FUT9: variants seen among roughly 807,000 people sequenced by gnomAD.
The protein encoded by FUT9 is 4-galactosyl-N-acetylglucosaminide 3-alpha-L-fucosyltransferase 9.
Under a neutral mutation model 29.7 loss-of-function variants are expected in FUT9, and 15 were observed. The ratio of observed to expected loss-of-function variants is 0.51; its 90% CI spans 0.34 to 0.78. FUT9 has a LOEUF of 0.78. FUT9 is among the 30% of genes least tolerant of loss of function. The pLI is 0.01. For synonymous variants in FUT9, 169 were observed against 153.7 expected (o/e 1.10, Z -0.74); for missense variants, 319 against 425.4 (o/e 0.75, Z 2.20).
chr6:96,081,472 TC>T (rs1428664701), intron 1 of FUT9, among the ~76,000 whole-genome samples: 1 of 151,888 alleles, frequency 6.6e-6, no homozygotes, highest in Non-Finnish European at 1.5e-5. Context: ...TATTTGTAGT[TC>T]ATTTGTTTTT....
In FUT9 at chr6:96,208,762, A is replaced by G. The variant is rs950007822; in HGVS notation, c.*4527A>G. 1 of 166,850 alleles carries G rather than the reference A, an allele frequency of 6.0e-6. No individual in the cohort carries two copies. Among genetic ancestry groups the G allele is most frequent in the African/African-American group, 2.4e-5 (1 of 41,446 alleles). 10.3% of individuals were successfully genotyped at this position (166,850 alleles called of 1,614,324 possible). A position where few individuals can be genotyped will look rare whatever the true frequency, so the allele number is the denominator to read the frequency against. On this transcript the variant is annotated 3_prime_UTR_variant, in exon 3 of 3. Transcript: ENST00000302103. ...TAACATATCAACTGTTTCTAAAAGG[A>G]AAGAAAATTAGTATTTAAGGAGAGT...
At chr6:96,043,172 C>T (rs1440160701) in intron 1 of FUT9, among the ~76,000 whole-genome samples, 1 of 152,170 alleles carries the variant, frequency 6.6e-6, no homozygotes, top group Non-Finnish European at 1.5e-5. Flanking sequence ...CTGCCTCAGC[C>T]TCCCGAGTAG....
chr6:96,039,649 C>T (rs1232914561), intron 1 of FUT9, among the ~76,000 whole-genome samples: 4 of 152,088 alleles, frequency 2.6e-5, no homozygotes, highest in Non-Finnish European at 5.9e-5. Flanking sequence ...CATAAGTAGC[C>T]AAACCCGTAC....
chr6:96,129,213 C>T (rs1451433718), intron 2 of FUT9, among the ~76,000 whole-genome samples: 3 of 145,474 alleles, frequency 2.1e-5, no homozygotes, highest in African/African-American at 7.7e-5. Context: ...TGCAGTGAGC[C>T]GAGATCACGC....
intron 2 of FUT9, among the ~76,000 whole-genome samples, chr6:96,150,142 A>G (rs1772649055): frequency 6.6e-6 from 1 of 152,146 alleles, no homozygotes; most frequent in South Asian, 2.1e-4. Context: ...ATAGAATACA[A>G]AAAGAGAAAA....
In FUT9 at chr6:96,214,412, C is replaced by T. The variant is rs1773997621; in HGVS notation, c.*10177C>T. Reference sequence around the variant, plus strand: ...ACATCTAGGCAGTCTTGACAGTCAACCAGTGTAATCACTAGGGGAAGAAAA... The same window carrying T: ...ACATCTAGGCAGTCTTGACAGTCAATCAGTGTAATCACTAGGGGAAGAAAA... On this transcript the variant is annotated 3_prime_UTR_variant, in exon 3 of 3. Coordinates refer to ENST00000302103, the MANE Select transcript of FUT9 (RefSeq NM_006581.4). 6.0e-6 allele frequency: 1 copy of T among 166,898 alleles called. No individual in the cohort carries two copies. Among genetic ancestry groups the T allele is most frequent in the Admixed American group, 6.6e-5 (1 of 15,246 alleles). 10.3% of individuals were successfully genotyped at this position (166,898 alleles called of 1,614,324 possible).
intron 1 of FUT9, among the ~76,000 whole-genome samples, chr6:96,036,404 G>A (rs1415815092): frequency 1.3e-5 from 2 of 151,672 alleles, no homozygotes; most frequent in African/African-American, 4.8e-5. Context: ...CTGATACATT[G>A]AGTCTGTTCA....
chr6:96,039,924 G>C (rs1770428133), intron 1 of FUT9, among the ~76,000 whole-genome samples: 1 of 148,510 alleles, frequency 6.7e-6, no homozygotes, highest in Non-Finnish European at 1.5e-5. Context: ...AGAAGCCCAT[G>C]TCTCTTGGAC....
Position 96,089,437 on chromosome 6 carries a change from T to G in FUT9, c.-97-24602T>G, listed in dbSNP as rs530801512. 1.3e-3 allele frequency among the ~76,000 whole-genome samples: 200 copies of G among 152,302 alleles called. 1 individual carries two copies. Among genetic ancestry groups the G allele is most frequent in the Non-Finnish European group, 2.5e-3 (169 of 68,020 alleles). ...AGGAATCTGGGGAAGTTATAGGGCTTGTTTGCATCTCCTTTCTCAAAGAAC... is the reference window on the plus strand; with the variant it reads ...AGGAATCTGGGGAAGTTATAGGGCTGGTTTGCATCTCCTTTCTCAAAGAAC... On this transcript the variant is annotated intron_variant, in intron 1 of 2. Transcript: ENST00000302103.
chr6:96,164,765 T>A (rs1164664348), intron 2 of FUT9, among the ~76,000 whole-genome samples: 1 of 152,210 alleles, frequency 6.6e-6, no homozygotes, highest in East Asian at 1.9e-4. Flanking sequence ...AATGTCCTTG[T>A]CCAAGAGGAG....
chr6:96,110,945 G>A (rs1771794866), intron 1 of FUT9, among the ~76,000 whole-genome samples: 2 of 151,978 alleles, frequency 1.3e-5, no homozygotes, highest in African/African-American at 4.8e-5. Context: ...TTACAGGCAT[G>A]AGCGACTGTG....
At chr6:96,176,470 T>C (rs969649043) in intron 2 of FUT9, among the ~76,000 whole-genome samples, 4 of 152,114 alleles carry the variant, frequency 2.6e-5, no homozygotes, top group Admixed American at 6.6e-5. Flanking sequence ...AAAGCAGTCA[T>C]AGACAATGTA....
At chr6:96,138,879 TA>T (rs2127972273) in intron 2 of FUT9, among the ~76,000 whole-genome samples, 1 of 152,242 alleles carries the variant, frequency 6.6e-6, no homozygotes, top group East Asian at 1.9e-4. Flanking sequence ...AGCTTTCAGG[TA>T]AAACTCTCAA....
intron 1 of FUT9, among the ~76,000 whole-genome samples, chr6:96,097,426 A>T (rs1190556015): frequency 6.6e-6 from 1 of 152,022 alleles, no homozygotes; most frequent in East Asian, 1.9e-4. Context: ...CAAACAAGTC[A>T]GGGTTTATTA....
At chr6:96,125,050 A>T (rs1410712666) in intron 2 of FUT9, among the ~76,000 whole-genome samples, 3 of 152,190 alleles carry the variant, frequency 2.0e-5, no homozygotes, top group Admixed American at 6.5e-5. Context: ...TTGCTGGCTG[A>T]TGTAATCTTA....
chr6:96,071,076 T>C (rs141324960), intron 1 of FUT9, among the ~76,000 whole-genome samples: 34 of 152,362 alleles, frequency 2.2e-4, no homozygotes, highest in African/African-American at 8.2e-4. Context: ...TCAAGGTAGC[T>C]AATGCATATT....
chr6:96,097,489 T>C (rs1000144845), intron 1 of FUT9, among the ~76,000 whole-genome samples: 1 of 152,190 alleles, frequency 6.6e-6, no homozygotes, highest in African/African-American at 2.4e-5. Flanking sequence ...ATATATATTG[T>C]TGTATGAGTG....
intron 1 of FUT9, among the ~76,000 whole-genome samples, chr6:96,020,195 AT>A (rs914614771): frequency 6.6e-6 from 1 of 152,118 alleles, no homozygotes; most frequent in Non-Finnish European, 1.5e-5. Flanking sequence ...TTTTTGCATA[AT>A]TTTTATTAGA....
At chr6:96,049,456 C>T (rs940121145) in intron 1 of FUT9, among the ~76,000 whole-genome samples, 1 of 152,206 alleles carries the variant, frequency 6.6e-6, no homozygotes, top group Non-Finnish European at 1.5e-5. Context: ...TTAGTCCTGT[C>T]CTTCTTGAGT....
Sources: gnomAD v4.1 joint callset for allele counts (sites outside exome capture counted in the v4.1 genomes callset) on GRCh38, gnomAD v4.1.1 for gene constraint, MANE v1.5 for transcripts, NCBI Gene and HGNC (gene_info 2026-07-23, HGNC 2026-07-21) for gene names.